TECPR2: variants seen among roughly 807,000 people sequenced by gnomAD.
TECPR2 encodes tectonin beta-propeller repeat containing 2, also known as tectonin beta-propeller repeat-containing protein 2.
In TECPR2, 65 loss-of-function variants were observed where a neutral mutation model predicts 138.1. That is an observed-to-expected ratio of 0.47 (90% CI 0.39 to 0.58). The LOEUF (loss-of-function observed/expected upper bound fraction) is 0.58. TECPR2 is among the 20% of genes least tolerant of loss of function. The pLI, the probability that TECPR2 is intolerant of heterozygous loss-of-function variation, is 0.00. For missense variants in TECPR2, 1,553 were observed against 1,824.5 expected, an observed-to-expected ratio of 0.85 and a Z score of 2.71; for synonymous variants, 746 against 749.8, an observed-to-expected ratio of 0.99 and a Z score of 0.08.
chr14:102,468,617 A>C (rs1402646021), intron 17 of TECPR2, among the ~76,000 whole-genome samples: 1 of 152,162 alleles, frequency 6.6e-6, no homozygotes, highest in Non-Finnish European at 1.5e-5. Context: ...TGATGCACAA[A>C]TATTTTTATT....
intron 5 of TECPR2, among the ~76,000 whole-genome samples, chr14:102,418,017 G>A (rs896431662): frequency 3.3e-5 from 5 of 152,146 alleles, no homozygotes; most frequent in African/African-American, 1.2e-4. Context: ...GGAGACTGGG[G>A]AAGGCTGGGC....
At chr14:102,469,248 T>G (rs1050964993) in intron 17 of TECPR2, among the ~76,000 whole-genome samples, 2 of 152,232 alleles carry the variant, frequency 1.3e-5, no homozygotes, top group African/African-American at 2.4e-5. Flanking sequence ...TTCTTTACTT[T>G]CCTTCACCAA....
In TECPR2 at chr14:102,394,842, G is replaced by A. The variant is rs1382188214; in HGVS notation, c.220-12496G>A. Among the ~76,000 whole-genome samples, 4 of 152,178 alleles carry A rather than the reference G, an allele frequency of 2.6e-5. No individual in the cohort carries two copies. In the Middle Eastern group the frequency reaches 0.01, roughly 388 times the overall value. On this transcript the variant is annotated intron_variant, in intron 2 of 19. Transcript: ENST00000359520. ...AGTCTGTCTTCATCACGATTTCACTGCCCTCATGCCTGTTCTGTTTACCCC... is the reference window on the plus strand; with the variant it reads ...AGTCTGTCTTCATCACGATTTCACTACCCTCATGCCTGTTCTGTTTACCCC...
Position 102,428,222 on chromosome 14 carries a change from G to GTTTTTTTTTT in TECPR2, c.952-15_952-6dup, listed in dbSNP as rs565236204. ...ACCGTTGTTTAGTTTTGTGTTTTTT[G>GTTTTTTTTTT]TTTTTTTTTTTTTTTTTTTTTTGAC... On this transcript the variant is annotated intron_variant, in intron 6 of 19. Transcript: ENST00000359520. The GTTTTTTTTTT allele has an allele frequency of 9.7e-4, 1,028 of 1,058,272 alleles. 29 individuals carry two copies. Among genetic ancestry groups the GTTTTTTTTTT allele is most frequent in the South Asian group, 4.0e-3 (209 of 51,608 alleles). The allele number at this position is 1,058,272 out of a possible 1,614,324, so 65.6% of individuals were successfully genotyped here.
At chr14:102,490,770 C>T (rs1457924958) in intron 17 of TECPR2, among the ~76,000 whole-genome samples, 1 of 152,204 alleles carries the variant, frequency 6.6e-6, no homozygotes, top group African/African-American at 2.4e-5. Context: ...CAGCCCCTGG[C>T]TTATTGCACC....
At chr14:102,440,351 C>T in intron 10 of TECPR2, 85 bp from the exon 11 acceptor site, 2 of 1,511,404 alleles carry the variant, frequency 1.3e-6, no homozygotes, top group Non-Finnish European at 1.8e-6. Flanking sequence ...AAATCTTTCT[C>T]CCCTCAATGC....
chr14:102,401,844 A>C (rs1888498652), intron 2 of TECPR2, among the ~76,000 whole-genome samples: 1 of 150,316 alleles, frequency 6.7e-6, no homozygotes, highest in Non-Finnish European at 1.5e-5. Flanking sequence ...CTCACTTTAA[A>C]TCCAAATGTT....
At chr14:102,396,283 A>G (rs899782383) in intron 2 of TECPR2, among the ~76,000 whole-genome samples, 4 of 151,808 alleles carry the variant, frequency 2.6e-5, no homozygotes, top group Admixed American at 2.0e-4. Context: ...TTGTATTTTT[A>G]GTAGAGACGG....
At chr14:102,490,032 AT>A (rs1891120886) in intron 17 of TECPR2, among the ~76,000 whole-genome samples, 1 of 152,178 alleles carries the variant, frequency 6.6e-6, no homozygotes. Context: ...CAAAAAAAAA[AT>A]ACAGTGAGTT....
chr14:102,422,499 G>A (rs1385520066), intron 5 of TECPR2, among the ~76,000 whole-genome samples: 2 of 152,194 alleles, frequency 1.3e-5, no homozygotes, highest in East Asian at 1.9e-4. Context: ...GAATTAGTGC[G>A]ACAGCTTCTT....
At chr14:102,467,535 G>A (rs1890572220) in intron 17 of TECPR2, among the ~76,000 whole-genome samples, 1 of 151,932 alleles carries the variant, frequency 6.6e-6, no homozygotes, top group Non-Finnish European at 1.5e-5. Context: ...ATATTGGTCA[G>A]GCTGGTCTCG....
At chr14:102,497,498 A>G in intron 18 of TECPR2, 72 bp from the exon 19 acceptor site, 3 of 1,414,480 alleles carry the variant, frequency 2.1e-6, no homozygotes, top group Non-Finnish European at 2.8e-6. Context: ...CAGCGTCACA[A>G]GAGTCGGCTT....
intron 13 of TECPR2, among the ~76,000 whole-genome samples, chr14:102,446,168 G>A (rs1429568789): frequency 6.6e-6 from 1 of 152,054 alleles, no homozygotes; most frequent in Non-Finnish European, 1.5e-5. Context: ...CTGGGCTCAG[G>A]TGATTCTCCC....
chr14:102,410,482 T>TAAAAAAAAAAAAAAAAAAAAAAAAA (rs1184159632), intron 4 of TECPR2, among the ~76,000 whole-genome samples: 1 of 62,630 alleles, frequency 1.6e-5, no homozygotes, highest in Non-Finnish European at 3.8e-5. Context: ...AAAAAAAAAA[T>TAAAAAAAAAAAAAAAAAAAAAAAAA]AAAAAATAAA....
chr14:102,419,562 C>T lies in TECPR2; in HGVS notation c.638+4769C>T, dbSNP rs1014080052. ...CAGCAGTGTAGGGTTGACCAGAAAC[C>T]GGGACAGAGACTCTCTTCCAGAGAA... On this transcript the variant is annotated intron_variant, in intron 5 of 19. Transcript: ENST00000359520. The surrounding 1 kb of genome is among the most constrained non-coding windows in gnomAD (Gnocchi z 4.8). Among the ~76,000 whole-genome samples, 7 of 151,992 alleles carry T rather than the reference C, an allele frequency of 4.6e-5. No homozygotes were observed. The highest frequency in any genetic ancestry group is 9.7e-5 in the African/African-American group (4 of 41,372).
At chr14:102,464,496 G>A (rs539314465) in intron 16 of TECPR2, among the ~76,000 whole-genome samples, 5 of 151,778 alleles carry the variant, frequency 3.3e-5, no homozygotes, top group Non-Finnish European at 4.4e-5. Flanking sequence ...GGGCCCAACC[G>A]ATCTCAGCCT....
chr14:102,491,286 G>A (rs1485855458), intron 17 of TECPR2, among the ~76,000 whole-genome samples: 1 of 152,164 alleles, frequency 6.6e-6, no homozygotes, highest in African/African-American at 2.4e-5. Flanking sequence ...CACGAATATG[G>A]CTTACTGCAG....
At chr14:102,483,882 T>C (rs4900537) in intron 17 of TECPR2, among the ~76,000 whole-genome samples, 74,391 of 128,578 alleles carry the variant, frequency 0.58, 22,472 homozygotes, top group South Asian at 0.67. Flanking sequence ...CTACAGCCTC[T>C]GCCCCCCGGG....
At chr14:102,400,048 C>CTTTTTTTTTT (rs992365072) in intron 2 of TECPR2, among the ~76,000 whole-genome samples, 5 of 83,360 alleles carry the variant, frequency 6.0e-5, no homozygotes, top group Non-Finnish European at 5.8e-5. Context: ...CTTTTCTTTT[C>CTTTTTTTTTT]TTTTTTTTTT....
Sources: allele counts gnomAD v4.1 joint callset (sites outside exome capture counted in the v4.1 genomes callset), GRCh38; gene constraint gnomAD v4.1.1; non-coding constraint Gnocchi (gnomAD v3.1); transcripts MANE v1.5; gene names NCBI Gene and HGNC (gene_info 2026-07-23, HGNC 2026-07-21).